CWC27: variants seen among roughly 807,000 people sequenced by gnomAD.
CWC27 encodes the protein CWC27 spliceosome associated cyclophilin.
CWC27 carries 47 observed loss-of-function variants against 63.6 expected under a neutral mutation model. The observed-to-expected ratio is 0.74, with a 90% CI of 0.58 to 0.94. The LOEUF (loss-of-function observed/expected upper bound fraction) is 0.94. Ranked by LOEUF, CWC27 falls within the 40% of genes least tolerant of loss-of-function variation. The pLI, the probability that CWC27 is intolerant of heterozygous loss-of-function variation, is 0.00. For synonymous variants in CWC27, 175 were observed against 179.8 expected, an observed-to-expected ratio of 0.97 and a Z score of 0.22; for missense variants, 495 against 554.3, an observed-to-expected ratio of 0.89 and a Z score of 1.07.
chr5:64,911,499 A>C (rs1174439951), intron 11 of CWC27, among the ~76,000 whole-genome samples: 2 of 152,324 alleles, frequency 1.3e-5, no homozygotes, highest in South Asian at 2.1e-4. Flanking sequence ...AATCTCTATA[A>C]GACTTTAGAG....
At chr5:64,895,951 G>C (rs1322808646) in intron 11 of CWC27, among the ~76,000 whole-genome samples, 1 of 151,948 alleles carries the variant, frequency 6.6e-6, no homozygotes, top group Non-Finnish European at 1.5e-5. Flanking sequence ...GAGACCAAAG[G>C]GCAAATAGAG....
At chr5:64,778,929 C>G (rs912687638) in intron 2 of CWC27, among the ~76,000 whole-genome samples, 9 of 152,158 alleles carry the variant, frequency 5.9e-5, no homozygotes, top group African/African-American at 1.9e-4. Flanking sequence ...GTACTAAATA[C>G]AGTTGTTAGA....
rs549219740 is a variant in CWC27, at chr5:64,990,120, C to A, written c.1256+12882C>A. Among the ~76,000 whole-genome samples the A allele has an allele frequency of 4.6e-5, 7 of 152,238 alleles. No homozygotes were observed. In the South Asian group the frequency reaches 1.5e-3, roughly 32 times the overall value. ...CTCTTGTTCTTCTTGCCAAGAATTTCAACTGAATGATCAACTGCAAGACAA... is the reference window on the plus strand; with the variant it reads ...CTCTTGTTCTTCTTGCCAAGAATTTAAACTGAATGATCAACTGCAAGACAA... On this transcript the variant is annotated intron_variant, in intron 13 of 13. Coordinates refer to ENST00000381070, the MANE Select transcript of CWC27 (RefSeq NM_005869.4).
intron 11 of CWC27, among the ~76,000 whole-genome samples, chr5:64,970,354 A>C (rs796631896): frequency 4.6e-5 from 7 of 151,944 alleles, no homozygotes; most frequent in African/African-American, 1.4e-4. Flanking sequence ...CTGGGACTAC[A>C]GGCGCCCGCC....
chr5:64,882,678 C>T (rs1270062534), intron 10 of CWC27, among the ~76,000 whole-genome samples: 1 of 152,202 alleles, frequency 6.6e-6, no homozygotes. Flanking sequence ...ACTGCAGGCT[C>T]CGCCTCTCGG....
chr5:64,931,010 A>G (rs1370391503), intron 11 of CWC27, among the ~76,000 whole-genome samples: 1 of 152,150 alleles, frequency 6.6e-6, no homozygotes, highest in Non-Finnish European at 1.5e-5. Context: ...CATCAAAACT[A>G]AATGGCAATA....
chr5:64,977,315 A>G lies in CWC27; in HGVS notation c.1256+77A>G. 2 of 949,064 alleles carry G rather than the reference A, an allele frequency of 2.1e-6. 1 individual carries two copies. Among genetic ancestry groups the G allele is most frequent in the South Asian group, 3.7e-5 (2 of 53,604 alleles). 58.8% of individuals were successfully genotyped at this position (949,064 alleles called of 1,614,324 possible). ...GAGACACTACTGGGGCATTTCCACTATATCATCCTTTTGTTTTCAGAGTTT... is the reference window on the plus strand; with the variant it reads ...GAGACACTACTGGGGCATTTCCACTGTATCATCCTTTTGTTTTCAGAGTTT... On this transcript the variant is annotated intron_variant, in intron 13 of 13. Coordinates refer to ENST00000381070, the MANE Select transcript of CWC27 (RefSeq NM_005869.4).
rs2278351 is a variant in CWC27, at chr5:64,971,768, T to C, written c.1108T>C (p.Leu370=). Residue 370 remains leucine, a synonymous_variant, in exon 12 of 14, where the codon TTG becomes CTG. Coordinates refer to ENST00000381070, the MANE Select transcript of CWC27 (RefSeq NM_005869.4). ...AAGAGAAAAGCAAAAGTATGAAGCT[T>C]TGAGGAAGCAACAGTCAAAGAAGGG... The part of the protein sequence containing the change: ...YRREKQKYEA[L]RKQQSKKGTS... 397,762 of 1,609,404 alleles carry C rather than the reference T, an allele frequency of 0.25. 52,361 individuals carry two copies. The highest frequency in any genetic ancestry group is 0.44 in the East Asian group (19,429 of 44,372).
chr5:64,826,833 G>A (rs1745376678), intron 10 of CWC27, among the ~76,000 whole-genome samples: 2 of 151,568 alleles, frequency 1.3e-5, no homozygotes, highest in Admixed American at 6.6e-5. Flanking sequence ...TTTTTAGTTG[G>A]TAAATTTTCT....
intron 11 of CWC27, among the ~76,000 whole-genome samples, chr5:64,909,000 A>G (rs891140595): frequency 6.6e-6 from 1 of 152,130 alleles, no homozygotes; most frequent in Admixed American, 6.5e-5. Flanking sequence ...ACAATTTGGC[A>G]TGTTTTTGCA....
intron 13 of CWC27, among the ~76,000 whole-genome samples, chr5:64,990,467 G>A (rs1749519599): frequency 3.2e-5 from 2 of 61,586 alleles, no homozygotes. Flanking sequence ...GGGTTTCACC[G>A]TTTTAGCCGG....
At chr5:65,009,693 G>A (rs1749912147) in intron 13 of CWC27, among the ~76,000 whole-genome samples, 1 of 152,146 alleles carries the variant, frequency 6.6e-6, no homozygotes, top group Non-Finnish European at 1.5e-5. Context: ...CTCATGTAAG[G>A]ACACAGTGAG....
At chr5:64,809,876 T>C (rs966924547) in intron 10 of CWC27, among the ~76,000 whole-genome samples, 9 of 152,342 alleles carry the variant, frequency 5.9e-5, no homozygotes, top group Admixed American at 5.9e-4. Context: ...TTTCCTTTGC[T>C]GCGCAGAACT....
intron 10 of CWC27, among the ~76,000 whole-genome samples, chr5:64,836,133 A>G (rs911880381): frequency 2.6e-5 from 4 of 151,916 alleles, no homozygotes; most frequent in Non-Finnish European, 4.4e-5. Context: ...ATGAGAGTAT[A>G]TTCTTTTCAC....
At chr5:64,774,552 T>C (rs1580576116) in intron 1 of CWC27, 139 bp from the exon 2 acceptor site, 1 of 475,796 alleles carries the variant, frequency 2.1e-6, no homozygotes, top group East Asian at 3.5e-5. Context: ...TTGTTGAGTA[T>C]ATCAACAAAA....
At chr5:64,776,790 C>T (rs1017650433) in intron 2 of CWC27, among the ~76,000 whole-genome samples, 1 of 151,938 alleles carries the variant, frequency 6.6e-6, no homozygotes, top group Admixed American at 6.6e-5. Flanking sequence ...AGCATGGTTT[C>T]CAGAATTTAA....
intron 10 of CWC27, among the ~76,000 whole-genome samples, chr5:64,873,318 T>A (rs575016100): frequency 5.1e-4 from 78 of 152,276 alleles, no homozygotes; most frequent in African/African-American, 1.8e-3. Flanking sequence ...AGTATTTCAA[T>A]TTTTAAAATA....
intron 13 of CWC27, among the ~76,000 whole-genome samples, chr5:64,979,276 A>G (rs1016434315): frequency 3.9e-5 from 6 of 152,206 alleles, no homozygotes; most frequent in Non-Finnish European, 7.3e-5. Flanking sequence ...CAGGGCGTTC[A>G]TATCTGCTTT....
intron 10 of CWC27, among the ~76,000 whole-genome samples, chr5:64,811,120 G>T (rs1386550055): frequency 6.6e-6 from 1 of 152,046 alleles, no homozygotes; most frequent in African/African-American, 2.4e-5. Context: ...AACACTCCAT[G>T]TAAGTCTAAT....
Sources: gnomAD v4.1 joint callset for allele counts (sites outside exome capture counted in the v4.1 genomes callset) on GRCh38, gnomAD v4.1.1 for gene constraint, MANE v1.5 for transcripts, NCBI Gene and HGNC (gene_info 2026-07-23, HGNC 2026-07-21) for gene names.